ABTB3: variants seen among roughly 807,000 people sequenced by gnomAD.
ABTB3 encodes the protein ankyrin repeat- and BTB/POZ domain-containing protein 3.
At chr12:107,607,946 G>T in the ABTB3 span, among the ~76,000 whole-genome samples, 6 of 152,198 alleles carry the variant, frequency 3.9e-5, no homozygotes, top group East Asian at 1.2e-3. Flanking sequence ...GCCCCCTCTC[G>T]TTCCTCACAA....
At chr12:107,486,565 T>C in the ABTB3 span, 1 of 152,062 alleles carries the variant, frequency 6.6e-6, no homozygotes, top group African/African-American at 2.4e-5. Context: ...CAAGTATTAA[T>C]CAGGCCCAGC....
chr12:107,515,509 C>T, the ABTB3 span, among the ~76,000 whole-genome samples: 2 of 152,140 alleles, frequency 1.3e-5, no homozygotes, highest in Non-Finnish European at 2.9e-5. Flanking sequence ...GCAGTGAACT[C>T]TTTAAGGGGT....
chr12:107,639,406 A>T, the ABTB3 span, among the ~76,000 whole-genome samples: 1 of 152,208 alleles, frequency 6.6e-6, no homozygotes, highest in Non-Finnish European at 1.5e-5. Context: ...GAGGTGGGTC[A>T]TCAGATTGAG....
At chr12:107,651,080 C>T in the ABTB3 span, among the ~76,000 whole-genome samples, 6 of 151,048 alleles carry the variant, frequency 4.0e-5, no homozygotes, top group African/African-American at 9.7e-5. Context: ...AAAAGCCTGT[C>T]GTTCTCTCAA....
chr12:107,319,745 GGCTCCGGCCCAGGCCCGA>G, the ABTB3 span: 2 of 1,524,906 alleles, frequency 1.3e-6, no homozygotes, highest in Non-Finnish European at 1.8e-6. Flanking sequence ...GTCAGGCTCG[GGCTCCGGCCCAGGCCCGA>G]GCTCGGGCCC....
the ABTB3 span, among the ~76,000 whole-genome samples, chr12:107,634,628 C>T: frequency 3.9e-5 from 6 of 152,166 alleles, no homozygotes; most frequent in Admixed American, 3.9e-4. Context: ...GAAATGGCTG[C>T]AAAGTGGGAA....
At chr12:107,568,403 T>C in the ABTB3 span, among the ~76,000 whole-genome samples, 1 of 152,132 alleles carries the variant, frequency 6.6e-6, no homozygotes, top group African/African-American at 2.4e-5. Flanking sequence ...TTGCGTAATA[T>C]CTACCATAGC....
chr12:107,576,692 G>A, the ABTB3 span, among the ~76,000 whole-genome samples: 12 of 152,182 alleles, frequency 7.9e-5, no homozygotes, highest in Non-Finnish European at 1.6e-4. Context: ...CCTGGAACAA[G>A]GCAGTTTAGC....
the ABTB3 span, among the ~76,000 whole-genome samples, chr12:107,389,003 A>AATTTTTAATT: frequency 2.1e-5 from 2 of 94,816 alleles, no homozygotes; most frequent in African/African-American, 7.4e-5. Flanking sequence ...TTTGGAGTGA[A>AATTTTTAATT]CCAACATTAA....
chr12:107,365,457 A>G, the ABTB3 span, among the ~76,000 whole-genome samples: 121 of 152,280 alleles, frequency 7.9e-4, no homozygotes, highest in African/African-American at 2.8e-3. Flanking sequence ...TTCTCTATCA[A>G]CTTCATAATG....
At chr12:107,642,670 G>A in the ABTB3 span, among the ~76,000 whole-genome samples, 314 of 152,216 alleles carry the variant, frequency 2.1e-3, no homozygotes, top group African/African-American at 6.2e-3. Context: ...CAGCATGTGC[G>A]AAGTCCCAAA....
chr12:107,363,433 C>A, the ABTB3 span, among the ~76,000 whole-genome samples: 1 of 152,136 alleles, frequency 6.6e-6, no homozygotes, highest in African/African-American at 2.4e-5. Flanking sequence ...AACAATGAAT[C>A]TGTTAAAGAA....
the ABTB3 span, among the ~76,000 whole-genome samples, chr12:107,426,340 C>A: frequency 6.6e-6 from 1 of 152,268 alleles, no homozygotes; most frequent in South Asian, 2.1e-4. Flanking sequence ...TGCTGTGAGT[C>A]AGTGCAGAGC....
At chr12:107,374,215 G>A in the ABTB3 span, among the ~76,000 whole-genome samples, 10 of 152,188 alleles carry the variant, frequency 6.6e-5, no homozygotes, top group Non-Finnish European at 1.2e-4. Context: ...TTTCCAAATC[G>A]GAGGCTTTGA....
the ABTB3 span, among the ~76,000 whole-genome samples, chr12:107,337,552 G>A: frequency 4.6e-5 from 7 of 152,170 alleles, no homozygotes; most frequent in South Asian, 4.1e-4. Context: ...CGATGATGTC[G>A]GTGTTACTAG....
the ABTB3 span, among the ~76,000 whole-genome samples, chr12:107,359,667 G>T: frequency 6.6e-6 from 1 of 152,132 alleles, no homozygotes; most frequent in Admixed American, 6.5e-5. Flanking sequence ...CCAAATGATA[G>T]CTCTCAGGTT....
chr12:107,612,376 T>C, the ABTB3 span, among the ~76,000 whole-genome samples: 2 of 152,214 alleles, frequency 1.3e-5, no homozygotes, highest in Non-Finnish European at 2.9e-5. Flanking sequence ...AAGATGACAC[T>C]GTTATATTGT....
chr12:107,500,908 T>C, the ABTB3 span, among the ~76,000 whole-genome samples: 1 of 152,214 alleles, frequency 6.6e-6, no homozygotes, highest in African/African-American at 2.4e-5. Context: ...CTAGACTTTT[T>C]AACATGCCTT....
chr12:107,556,251 C>A, the ABTB3 span, among the ~76,000 whole-genome samples: 1 of 152,086 alleles, frequency 6.6e-6, no homozygotes, highest in African/African-American at 2.4e-5. Context: ...TGCACCACCA[C>A]ACCTAGCTAA....
Sources: allele counts gnomAD v4.1 joint callset (sites outside exome capture counted in the v4.1 genomes callset), GRCh38; gene constraint gnomAD v4.1.1; transcripts MANE v1.5; gene names NCBI Gene and HGNC (gene_info 2026-07-23, HGNC 2026-07-21).